The following PKP2 variants were observed in gnomAD, a reference collection of about 807,000 sequenced individuals.
PKP2 encodes the protein plakophilin-2.
Under a neutral mutation model 83.4 loss-of-function variants are expected in PKP2, and 73 were observed. The observed-to-expected ratio is 0.88, with a 90% CI of 0.72 to 1.06. PKP2 has a LOEUF of 1.06. Ranked by LOEUF, PKP2 falls within the 50% of genes least tolerant of loss-of-function variation. The probability of loss-of-function intolerance (pLI) is 0.00; values close to 1 mark genes in which losing one functional copy is unlikely to be tolerated. For missense variants in PKP2, 966 were observed against 1,065.4 expected (o/e 0.91, Z 1.30); for synonymous variants, 409 against 430.4 (o/e 0.95, Z 0.62).
intron 4 of PKP2, among the ~76,000 whole-genome samples, chr12:32,860,160 ACT>A (rs1956785609): frequency 6.6e-6 from 1 of 152,186 alleles, no homozygotes; most frequent in Non-Finnish European, 1.5e-5. Context: ...CTTAAGTGAA[ACT>A]CAACAGAGTT....
At chr12:32,829,510 G>A (rs1956478551) in intron 6 of PKP2, among the ~76,000 whole-genome samples, 1 of 151,860 alleles carries the variant, frequency 6.6e-6, no homozygotes, top group African/African-American at 2.4e-5. Context: ...AAAGTGCTGG[G>A]ATTACAGACG....
At position 32,802,486 on chromosome 12, in the gene PKP2, T is replaced by C. The variant is rs1956191313; in HGVS notation, c.2084A>G (p.His695Arg). The C allele has an allele frequency of 1.2e-6, 2 of 1,613,992 alleles. No homozygotes were observed. The highest frequency in any genetic ancestry group is 1.1e-5 in the South Asian group (1 of 91,092). Residue 695 changes from histidine to arginine, a missense_variant, in exon 10 of 13, where the codon CAT becomes CGT. Physicochemically the swap from His to Arg is conservative, Grantham distance 29. Transcript: ENST00000340811. ...SGLQHTRKML[H>R]VGDPSVKKTA... The stretch of plus-strand genomic sequence containing the variant: ...CTTTTTCACACTTGGGTCACCAACA[T>C]GCAGCATCTTTCGGGTGTGCTGCAG...
chr12:32,807,714 G>A (rs1239020745), intron 9 of PKP2, among the ~76,000 whole-genome samples: 1 of 152,144 alleles, frequency 6.6e-6, no homozygotes, highest in Non-Finnish European at 1.5e-5. Flanking sequence ...CTTTTGCATG[G>A]TAGGCCTGGT....
chr12:32,866,704 C>A (rs765693767), intron 4 of PKP2, among the ~76,000 whole-genome samples: 8 of 152,144 alleles, frequency 5.3e-5, no homozygotes, highest in Admixed American at 2.0e-4. Context: ...CTGGAACTCT[C>A]ATAAATTGTG....
Position 32,794,214 on chromosome 12 carries a change from T to C in PKP2, c.2358-1483A>G, listed in dbSNP as rs1357412516. 2.0e-5 allele frequency among the ~76,000 whole-genome samples: 3 copies of C among 152,324 alleles called. No homozygotes were observed. In the East Asian group the frequency reaches 5.8e-4, roughly 29 times the overall value. ...CTTTTCAGAATCACTTGGTAATAAC[T>C]GAAGGGCAAATAAATCCATCAAAGT... On this transcript the variant is annotated intron_variant, in intron 11 of 12. Coordinates refer to ENST00000340811, the MANE Select transcript of PKP2 (RefSeq NM_001005242.3).
chr12:32,794,283 C>A (rs1185896820), intron 11 of PKP2, among the ~76,000 whole-genome samples: 3 of 152,132 alleles, frequency 2.0e-5, no homozygotes, highest in African/African-American at 7.2e-5. Flanking sequence ...TATTAAATTG[C>A]AAGGCTGTTA....
chr12:32,802,199 G>T (rs1188926297), intron 10 of PKP2, among the ~76,000 whole-genome samples: 1 of 150,338 alleles, frequency 6.7e-6, no homozygotes, highest in Non-Finnish European at 1.5e-5. Flanking sequence ...TTAAATGTTG[G>T]ATATTTAAAA....
chr12:32,893,218 A>G (rs1462261444), intron 1 of PKP2: 2 of 152,190 alleles, frequency 1.3e-5, no homozygotes, highest in African/African-American at 4.8e-5. Flanking sequence ...CGCTGTCTCA[A>G]CCTTACAGGT....
chr12:32,868,981 A>C lies in PKP2; in HGVS notation c.1116T>G (p.Ala372=). ...ACTCGTGCTGTATGAAAGTAGCTGCAGCAGAAATCCTGGATGGCAGCATGT... is the reference window on the plus strand; with the variant it reads ...ACTCGTGCTGTATGAAAGTAGCTGCCGCAGAAATCCTGGATGGCAGCATGT... ...ADHMLPSRIS[A]AATFIQHECF... The change falls in exon 4 of 13, where the codon GCT becomes GCG. Residue 372 remains alanine, a synonymous_variant. Coordinates refer to ENST00000340811, the MANE Select transcript of PKP2 (RefSeq NM_001005242.3). 1 of 1,613,998 alleles carries C rather than the reference A, an allele frequency of 6.2e-7. No homozygotes were observed. The highest frequency in any genetic ancestry group is 8.5e-7 in the Non-Finnish European group (1 of 1,179,978).
At chr12:32,892,483 G>T (rs868075350) in intron 1 of PKP2, among the ~76,000 whole-genome samples, 1 of 151,508 alleles carries the variant, frequency 6.6e-6, no homozygotes, top group African/African-American at 2.4e-5. Context: ...TGGCTAATTT[G>T]TTTTTTATTT....
intron 7 of PKP2, among the ~76,000 whole-genome samples, chr12:32,823,510 G>A (rs1174232308): frequency 2.0e-5 from 3 of 151,768 alleles, no homozygotes; most frequent in East Asian, 3.9e-4. Flanking sequence ...TGCTGACCAT[G>A]TAGCATTTGG....
chr12:32,874,348 G>T (rs373911445), intron 3 of PKP2, among the ~76,000 whole-genome samples: 8 of 152,188 alleles, frequency 5.3e-5, no homozygotes, highest in East Asian at 1.9e-4. Context: ...CAGAGGAAAG[G>T]GGGAGGTCAG....
chr12:32,796,104 C>CT lies in PKP2; in HGVS notation c.2357+4dup. 1 of 1,613,114 alleles carries CT rather than the reference C, an allele frequency of 6.2e-7. No homozygotes were observed. Among genetic ancestry groups the CT allele is most frequent in the Non-Finnish European group, 8.5e-7 (1 of 1,179,152 alleles). On this transcript the variant is annotated splice_donor_region_variant and intron_variant, in intron 11 of 12. Coordinates refer to ENST00000340811, the MANE Select transcript of PKP2 (RefSeq NM_001005242.3). Reference sequence around the variant, plus strand: ...GCAGCTGACGGGCAGAACTGAAGGACTTACGCATCGCCTGCACTAATGGCC... The same window carrying CT: ...GCAGCTGACGGGCAGAACTGAAGGACTTTACGCATCGCCTGCACTAATGGCC...
At chr12:32,823,207 A>G (rs919164712) in intron 7 of PKP2, among the ~76,000 whole-genome samples, 3 of 152,150 alleles carry the variant, frequency 2.0e-5, no homozygotes, top group African/African-American at 7.2e-5. Flanking sequence ...TGAGGTCAGG[A>G]GTTCAAGACC....
intron 5 of PKP2, among the ~76,000 whole-genome samples, chr12:32,849,023 A>AC (rs956322056): frequency 2.0e-5 from 3 of 151,732 alleles, no homozygotes; most frequent in Admixed American, 2.0e-4. Flanking sequence ...AAAAAAAAAA[A>AC]ACCTCTTCTA....
intron 5 of PKP2, among the ~76,000 whole-genome samples, chr12:32,841,745 T>C (rs751615538): frequency 6.6e-6 from 1 of 152,220 alleles, no homozygotes; most frequent in African/African-American, 2.4e-5. Flanking sequence ...CCTTTCTCCA[T>C]GCCTGTCAAC....
In PKP2 at chr12:32,850,963, A is replaced by G. The variant is rs766842360; in HGVS notation, c.1181T>C (p.Leu394Pro). The G allele has an allele frequency of 1.2e-6, 2 of 1,614,066 alleles. No individual in the cohort carries two copies. Among genetic ancestry groups the G allele is most frequent in the East Asian group, 4.5e-5 (2 of 44,892 alleles). The change falls in exon 5 of 13, where the codon CTT becomes CCT. Residue 394 changes from leucine (L) to proline (P), a missense_variant. By Grantham distance (98) the Leu-to-Pro change is moderately conservative (BLOSUM62 -3). Coordinates refer to ENST00000340811, the MANE Select transcript of PKP2 (RefSeq NM_001005242.3). ...KSEARKRVNQ[L>P]RGILKLLQLL... ...CTGCAGAAGCTTGAGGATGCCACGA[A>G]GCTGGTTAACCTGGGGAAGAAGCAG...
intron 6 of PKP2, among the ~76,000 whole-genome samples, chr12:32,828,244 C>A (rs1956461550): frequency 6.6e-6 from 1 of 152,142 alleles, no homozygotes; most frequent in Non-Finnish European, 1.5e-5. Context: ...TATCAGAAAG[C>A]AAATCTGTGA....
In PKP2 at chr12:32,837,389, A is replaced by C. The variant is rs79192477; in HGVS notation, c.1556+3639T>G. Among the ~76,000 whole-genome samples the C allele has an allele frequency of 5.3e-3, 814 of 152,306 alleles. 11 individuals carry two copies. The highest frequency in any genetic ancestry group is 0.019 in the African/African-American group (769 of 41,558). On this transcript the variant is annotated intron_variant, in intron 6 of 12. Transcript: ENST00000340811. Reference sequence around the variant, plus strand: ...GTTTCCTCATCTATAAAATGAGGAAAACCTATCTTGTAGGGAGTGCTACTG... The same window carrying C: ...GTTTCCTCATCTATAAAATGAGGAACACCTATCTTGTAGGGAGTGCTACTG...
Sources: gnomAD v4.1 joint callset for allele counts (sites outside exome capture counted in the v4.1 genomes callset) on GRCh38, gnomAD v4.1.1 for gene constraint, MANE v1.5 for transcripts, NCBI Gene and HGNC (gene_info 2026-07-23, HGNC 2026-07-21) for gene names.